Variants in SH3RF3 observed in about 807,000 individuals in gnomAD.
SH3RF3 encodes the protein SH3 domain containing ring finger 3, also known as E3 ubiquitin-protein ligase SH3RF3.
In SH3RF3, 29 loss-of-function variants were observed where a neutral mutation model predicts 66.3. That is an observed-to-expected ratio of 0.44 (90% CI 0.33 to 0.60). The LOEUF (loss-of-function observed/expected upper bound fraction) is 0.60. Ranked by LOEUF, SH3RF3 falls within the 20% of genes least tolerant of loss-of-function variation. The pLI is 0.04. For missense variants in SH3RF3, 1,194 were observed against 1,190.9 expected, an observed-to-expected ratio of 1.00 and a Z score of -0.04; for synonymous variants, 583 against 532.0, an observed-to-expected ratio of 1.10 and a Z score of -1.32.
intron 8 of SH3RF3, among the ~76,000 whole-genome samples, chr2:109,462,246 G>C (rs1678226113): frequency 1.3e-5 from 2 of 151,110 alleles, no homozygotes; most frequent in South Asian, 2.1e-4. Flanking sequence ...TTGTGACACA[G>C]AGTTGGAGAA....
intron 8 of SH3RF3, among the ~76,000 whole-genome samples, chr2:109,473,383 T>C (rs1351568189): frequency 6.6e-6 from 1 of 152,144 alleles, no homozygotes; most frequent in East Asian, 1.9e-4. Context: ...GGGCGTGCTC[T>C]GAGGCCCCCA....
chr2:109,311,722 T>A (rs993831272), intron 1 of SH3RF3, among the ~76,000 whole-genome samples: 1 of 152,230 alleles, frequency 6.6e-6, no homozygotes, highest in Non-Finnish European at 1.5e-5. Flanking sequence ...GTTTTGTTTT[T>A]CCTTGTCTGA....
rs142162481 is a variant in SH3RF3, at chr2:109,340,359, A to G, written c.574-7315A>G. The stretch of plus-strand genomic sequence containing the variant: ...GCACACAGGAGGTGCTCAGGACAGG[A>G]AGGGGCAAGGTCTGGATGAGAGCCC... On this transcript the variant is annotated intron_variant, in intron 1 of 9. Coordinates refer to ENST00000309415, the MANE Select transcript of SH3RF3 (RefSeq NM_001099289.3). 3.1e-3 allele frequency among the ~76,000 whole-genome samples: 465 copies of G among 152,306 alleles called. 3 individuals are homozygous for G. Among genetic ancestry groups the G allele is most frequent in the African/African-American group, 0.01 (436 of 41,572 alleles).
In SH3RF3 at chr2:109,394,338, G is replaced by A. The variant is rs191033870; in HGVS notation, c.946-4252G>A. On this transcript the variant is annotated intron_variant, in intron 3 of 9. Transcript: ENST00000309415. ...GTCCCCTGTGGGATGGTGAGCCCTG[G>A]CCCAACCTTTACTGTCCCATGGACA... Among the ~76,000 whole-genome samples the A allele has an allele frequency of 4.0e-3, 605 of 152,210 alleles. 4 individuals are homozygous for A. Among genetic ancestry groups the A allele is most frequent in the Non-Finnish European group, 5.3e-3 (359 of 68,000 alleles).
intron 4 of SH3RF3, among the ~76,000 whole-genome samples, chr2:109,408,039 G>A (rs994514969): frequency 6.6e-6 from 1 of 152,134 alleles, no homozygotes; most frequent in Admixed American, 6.5e-5. Context: ...AGATCCTTGG[G>A]TCTTCTTGGC....
intron 2 of SH3RF3, 83 bp downstream of exon 2, chr2:109,348,032 C>T: frequency 1.3e-6 from 2 of 1,483,272 alleles, no homozygotes; most frequent in Non-Finnish European, 1.8e-6. Context: ...AGACCTATAG[C>T]CAGACAGTCT....
chr2:109,313,373 G>A (rs1408913362), intron 1 of SH3RF3, among the ~76,000 whole-genome samples: 6 of 152,194 alleles, frequency 3.9e-5, no homozygotes, highest in African/African-American at 9.6e-5. Context: ...TGCACAGCCC[G>A]GGATGAGACT....
chr2:109,432,461 G>T, intron 5 of SH3RF3, 40 bp from the exon 6 acceptor site: 2 of 1,608,438 alleles, frequency 1.2e-6, no homozygotes, highest in Non-Finnish European at 1.7e-6. Context: ...CTATCCCCAG[G>T]AGGGCTCCCA....
At chr2:109,421,220 A>C (rs1488730700) in intron 5 of SH3RF3, among the ~76,000 whole-genome samples, 2 of 152,246 alleles carry the variant, frequency 1.3e-5, no homozygotes, top group African/African-American at 2.4e-5. Context: ...GGAGTTTCCC[A>C]AATGAGAGGC....
At chr2:109,294,350 C>T in intron 1 of SH3RF3, among the ~76,000 whole-genome samples, 1 of 152,134 alleles carries the variant, frequency 6.6e-6, no homozygotes, top group East Asian at 1.9e-4. Flanking sequence ...CGCTTGAGTC[C>T]AGGAGCTCGA....
intron 8 of SH3RF3, among the ~76,000 whole-genome samples, chr2:109,475,643 C>T (rs1315706692): frequency 6.6e-6 from 1 of 152,236 alleles, no homozygotes; most frequent in Non-Finnish European, 1.5e-5. Context: ...GGACTGTGCT[C>T]TGCATTGTAG....
intron 2 of SH3RF3, among the ~76,000 whole-genome samples, chr2:109,362,735 T>A (rs1683072889): frequency 6.6e-6 from 1 of 152,246 alleles, no homozygotes. Context: ...TTTTGCATCA[T>A]GTATTTTGAC....
At chr2:109,434,604 C>T (rs1346508735) in intron 6 of SH3RF3, among the ~76,000 whole-genome samples, 1 of 152,228 alleles carries the variant, frequency 6.6e-6, no homozygotes, top group Non-Finnish European at 1.5e-5. Flanking sequence ...GAATATCCTT[C>T]AAGAGCTGGG....
intron 7 of SH3RF3, among the ~76,000 whole-genome samples, chr2:109,439,201 A>AACCATGAGGGT (rs2104594974): frequency 6.6e-6 from 1 of 152,288 alleles, no homozygotes; most frequent in South Asian, 2.1e-4. Flanking sequence ...TCACCATAGT[A>AACCATGAGGGT]ACCATGAGGG....
intron 8 of SH3RF3, among the ~76,000 whole-genome samples, chr2:109,489,708 G>A (rs1386702430): frequency 7.2e-6 from 1 of 138,628 alleles, no homozygotes; most frequent in Admixed American, 8.2e-5. Flanking sequence ...GGAAGAGAAA[G>A]GAAAACAAGT....
chr2:109,442,537 A>G (rs931431904), intron 7 of SH3RF3, among the ~76,000 whole-genome samples: 5 of 152,138 alleles, frequency 3.3e-5, no homozygotes, highest in African/African-American at 1.2e-4. Flanking sequence ...CTAGTTTGGG[A>G]TTTAAAACTC....
intron 4 of SH3RF3, among the ~76,000 whole-genome samples, chr2:109,412,765 A>C (rs1676628949): frequency 1.3e-5 from 2 of 152,162 alleles, no homozygotes; most frequent in South Asian, 4.1e-4. Flanking sequence ...GTGTAGATTA[A>C]AAAATAATAA....
At chr2:109,268,042 T>G (rs1680538997) in intron 1 of SH3RF3, among the ~76,000 whole-genome samples, 1 of 151,416 alleles carries the variant, frequency 6.6e-6, no homozygotes, top group Admixed American at 6.6e-5. Context: ...TCCTTGTGGG[T>G]GAGGGGGTCT....
At chr2:109,415,120 G>A (rs1454284906) in intron 4 of SH3RF3, among the ~76,000 whole-genome samples, 1 of 143,634 alleles carries the variant, frequency 7.0e-6, no homozygotes. Context: ...AGGAACGTGG[G>A]CAGCCTCTAG....
Sources: allele counts gnomAD v4.1 joint callset (sites outside exome capture counted in the v4.1 genomes callset), GRCh38; gene constraint gnomAD v4.1.1; transcripts MANE v1.5; gene names NCBI Gene and HGNC (gene_info 2026-07-23, HGNC 2026-07-21).